Variants in COP1 observed in about 807,000 individuals in gnomAD.
The protein encoded by COP1 is E3 ubiquitin-protein ligase COP1.
In COP1, 24 loss-of-function variants were observed where a neutral mutation model predicts 101.3. The observed-to-expected ratio is 0.24, with a 90% CI of 0.17 to 0.33. The LOEUF is 0.33. Ranked by LOEUF, COP1 falls within the 10% of genes least tolerant of loss-of-function variation. The pLI is 1.00. For missense variants in COP1, 663 were observed against 906.2 expected (o/e 0.73, Z 3.45); for synonymous variants, 347 against 341.9 (o/e 1.01, Z -0.17).
intron 15 of COP1, among the ~76,000 whole-genome samples, chr1:176,003,591 C>T (rs1342063928): frequency 6.6e-6 from 1 of 151,736 alleles, no homozygotes; most frequent in African/African-American, 2.4e-5. Flanking sequence ...TTCCCAGCAC[C>T]ATTTATTAAA....
intron 11 of COP1, among the ~76,000 whole-genome samples, chr1:176,058,868 T>TA (rs1432963093): frequency 6.6e-6 from 1 of 152,150 alleles, no homozygotes; most frequent in African/African-American, 2.4e-5. Flanking sequence ...ATATGTGAGT[T>TA]ACTGACTTCA....
chr1:175,950,695 T>TC (rs1391658990), intron 18 of COP1, among the ~76,000 whole-genome samples: 3 of 152,182 alleles, frequency 2.0e-5, no homozygotes, highest in African/African-American at 4.8e-5. Flanking sequence ...AGAACTCTCC[T>TC]CAAGGCTAAG....
intron 11 of COP1, among the ~76,000 whole-genome samples, chr1:176,072,851 A>C (rs1049397277): frequency 6.6e-6 from 1 of 152,176 alleles, no homozygotes; most frequent in African/African-American, 2.4e-5. Flanking sequence ...ATACGTCAAA[A>C]ATTAGTATAA....
chr1:176,093,559 GC>G (rs1681740507), intron 9 of COP1, among the ~76,000 whole-genome samples: 1 of 152,086 alleles, frequency 6.6e-6, no homozygotes, highest in Admixed American at 6.5e-5. Context: ...AAAATTAGTG[GC>G]CAGGTGCGGT....
intron 5 of COP1, among the ~76,000 whole-genome samples, chr1:176,158,065 A>C (rs570531336): frequency 9.7e-4 from 148 of 152,234 alleles, no homozygotes; most frequent in African/African-American, 3.4e-3. Flanking sequence ...TAAAAAATTC[A>C]AAGAACCCAA....
chr1:176,090,443 T>A (rs1020122377), intron 9 of COP1, among the ~76,000 whole-genome samples: 1 of 152,176 alleles, frequency 6.6e-6, no homozygotes, highest in South Asian at 2.1e-4. Flanking sequence ...TTAAATATTT[T>A]ATAGCGTTTG....
rs369757291 is a variant in COP1 at position 176,041,775 on chromosome 1, G to A, written c.1612+1411C>T. 2.6e-3 allele frequency among the ~76,000 whole-genome samples: 398 copies of A among 152,212 alleles called. 3 individuals carry two copies. The highest frequency in any genetic ancestry group is 9.2e-3 in the African/African-American group (380 of 41,530). On this transcript the variant is annotated intron_variant, in intron 14 of 19. Transcript: ENST00000367669. ...GAGGTCAGGAGTTCGAGACCAGCCT[G>A]GCCAGCACGGTGAAACCCCATCTCT... is the stretch of plus-strand genomic sequence containing the variant.
At chr1:176,113,412 G>GT (rs1685621378) in intron 9 of COP1, among the ~76,000 whole-genome samples, 1 of 152,122 alleles carries the variant, frequency 6.6e-6, no homozygotes, top group South Asian at 2.1e-4. Flanking sequence ...CAATCAAACT[G>GT]TTTGAGTCCA....
chr1:176,148,418 GT>G (rs974244484), intron 6 of COP1, among the ~76,000 whole-genome samples: 8 of 151,132 alleles, frequency 5.3e-5, no homozygotes, highest in African/African-American at 1.7e-4. Context: ...AGTTTTCAAA[GT>G]TATTTTAGCA....
intron 11 of COP1, among the ~76,000 whole-genome samples, chr1:176,059,044 C>G (rs1418533369): frequency 6.6e-6 from 1 of 152,250 alleles, no homozygotes; most frequent in Non-Finnish European, 1.5e-5. Flanking sequence ...GCACTGCCCT[C>G]TAACTTCAAG....
At chr1:176,005,751 T>TGAG (rs200911979) in intron 15 of COP1, among the ~76,000 whole-genome samples, 109,752 of 149,274 alleles carry the variant, frequency 0.74, 41,533 homozygotes, top group East Asian at 0.92. Flanking sequence ...TTACATTTGC[T>TGAG]GAGAGCTTTA....
intron 9 of COP1, among the ~76,000 whole-genome samples, chr1:176,091,718 G>A (rs1572178467): frequency 1.3e-5 from 2 of 152,182 alleles, no homozygotes; most frequent in Admixed American, 1.3e-4. Flanking sequence ...CCAGAAGAGG[G>A]ATGGTGGGGG....
intron 15 of COP1, among the ~76,000 whole-genome samples, chr1:176,021,514 G>A (rs1179306166): frequency 1.3e-5 from 2 of 151,992 alleles, no homozygotes; most frequent in African/African-American, 4.8e-5. Flanking sequence ...GCAAATAATG[G>A]TAAGTAATGA....
chr1:175,956,559 A>G (rs1179396132), intron 18 of COP1, among the ~76,000 whole-genome samples: 2 of 152,182 alleles, frequency 1.3e-5, no homozygotes, highest in Non-Finnish European at 2.9e-5. Flanking sequence ...CACTTACTAG[A>G]ACAACTAAAT....
intron 8 of COP1, among the ~76,000 whole-genome samples, chr1:176,118,699 T>G (rs1220841898): frequency 3.3e-5 from 5 of 152,122 alleles, no homozygotes; most frequent in African/African-American, 1.2e-4. Flanking sequence ...AAGGCTGCAA[T>G]GAGCTATGCA....
intron 1 of COP1, among the ~76,000 whole-genome samples, chr1:176,185,820 T>TG (rs1698375259): frequency 1.3e-5 from 2 of 152,206 alleles, no homozygotes; most frequent in Non-Finnish European, 2.9e-5. Flanking sequence ...AAGTCAATGT[T>TG]TATCAAGTTT....
At chr1:176,182,985 AT>A (rs1697983158) in intron 2 of COP1, among the ~76,000 whole-genome samples, 1 of 152,240 alleles carries the variant, frequency 6.6e-6, no homozygotes, top group Non-Finnish European at 1.5e-5. Flanking sequence ...AAAGGTGGAC[AT>A]TTGTATTTTA....
At chr1:176,065,618 C>T (rs933652132) in intron 11 of COP1, among the ~76,000 whole-genome samples, 7 of 151,960 alleles carry the variant, frequency 4.6e-5, no homozygotes, top group Non-Finnish European at 8.8e-5. Context: ...TTTCTGTCCT[C>T]CCCTATTTGC....
intron 11 of COP1, among the ~76,000 whole-genome samples, chr1:176,066,664 C>A (rs904990268): frequency 6.6e-5 from 10 of 152,144 alleles, no homozygotes; most frequent in African/African-American, 2.4e-4. Context: ...TAAAGACCAG[C>A]TCTGCAGGTC....
Sources: allele counts gnomAD v4.1 joint callset (sites outside exome capture counted in the v4.1 genomes callset), GRCh38; gene constraint gnomAD v4.1.1; transcripts MANE v1.5; gene names NCBI Gene and HGNC (gene_info 2026-07-23, HGNC 2026-07-21).